MECOM: variants seen among roughly 807,000 people sequenced by gnomAD.
The protein encoded by MECOM is histone-lysine N-methyltransferase MECOM.
MECOM carries 13 observed loss-of-function variants against 116.3 expected under a neutral mutation model. The ratio of observed to expected loss-of-function variants is 0.11; its 90% confidence interval spans 0.07 to 0.18. The LOEUF is 0.18. Ranked by LOEUF, MECOM falls within the 10% of genes least tolerant of loss-of-function variation. The pLI is 1.00. For synonymous variants in MECOM, 528 were observed against 535.2 expected (o/e 0.99, Z 0.19); for missense variants, 1,299 against 1,509.0 (o/e 0.86, Z 2.31).
At chr3:169,541,421 G>T (rs1480961514) in intron 1 of MECOM, among the ~76,000 whole-genome samples, 1 of 152,210 alleles carries the variant, frequency 6.6e-6, no homozygotes, top group Non-Finnish European at 1.5e-5. Context: ...CCCTTCCTCA[G>T]TTGGAAAGCC....
chr3:169,418,538 C>T (rs1739124486), intron 1 of MECOM, among the ~76,000 whole-genome samples: 1 of 152,128 alleles, frequency 6.6e-6, no homozygotes, highest in South Asian at 2.1e-4. Context: ...CATCAAAAAG[C>T]TTATCCACTA....
intron 1 of MECOM, among the ~76,000 whole-genome samples, chr3:169,455,039 T>C (rs1440364362): frequency 1.3e-5 from 2 of 152,182 alleles, no homozygotes; most frequent in Non-Finnish European, 2.9e-5. Flanking sequence ...TACTACGTGT[T>C]TTCCAGGATA....
intron 1 of MECOM, among the ~76,000 whole-genome samples, chr3:169,605,459 G>A (rs1768406975): frequency 1.3e-5 from 2 of 152,242 alleles, no homozygotes; most frequent in Admixed American, 6.5e-5. Flanking sequence ...GAGATTAAGT[G>A]ACAAAATTTT....
At chr3:169,154,875 A>AT (rs1225767710) in intron 2 of MECOM, among the ~76,000 whole-genome samples, 6 of 152,084 alleles carry the variant, frequency 3.9e-5, no homozygotes. Flanking sequence ...TAAACCAACC[A>AT]TTTTTTATGT....
At chr3:169,159,808 G>A (rs1742574144) in intron 2 of MECOM, among the ~76,000 whole-genome samples, 1 of 152,122 alleles carries the variant, frequency 6.6e-6, no homozygotes, top group South Asian at 2.1e-4. Flanking sequence ...CTATGTGCTT[G>A]GGGTGTGACA....
chr3:169,423,470 A>C (rs1031177846), intron 1 of MECOM, among the ~76,000 whole-genome samples: 1 of 152,102 alleles, frequency 6.6e-6, no homozygotes, highest in Non-Finnish European at 1.5e-5. Context: ...ATTATTTGTA[A>C]GGGGAAACTG....
At chr3:169,176,108 G>GA (rs5854313) in intron 2 of MECOM, among the ~76,000 whole-genome samples, 2 of 146,938 alleles carry the variant, frequency 1.4e-5, no homozygotes, top group East Asian at 2.0e-4. Flanking sequence ...TAGCTGATGA[G>GA]AAAAAAAAAA....
At chr3:169,656,401 C>T (rs1473432423) in intron 1 of MECOM, among the ~76,000 whole-genome samples, 2 of 151,960 alleles carry the variant, frequency 1.3e-5, no homozygotes, top group African/African-American at 4.8e-5. Context: ...AGCACGTTTG[C>T]TAATGAATAA....
At chr3:169,257,840 A>G (rs996905846) in intron 2 of MECOM, among the ~76,000 whole-genome samples, 4 of 152,176 alleles carry the variant, frequency 2.6e-5, no homozygotes, top group Non-Finnish European at 1.5e-5. Context: ...GATGTAACCT[A>G]TATATTAACT....
intron 1 of MECOM, among the ~76,000 whole-genome samples, chr3:169,418,125 C>CAAAAAAAAAAAAAAAAAAACAAAAA (rs568727385): frequency 1.7e-5 from 2 of 118,150 alleles, no homozygotes; most frequent in African/African-American, 3.2e-5. Flanking sequence ...AAAAACTAAA[C>CAAAAAAAAAAAAAAAAAAACAAAAA]AAAAAAAAAA....
Position 169,084,867 on chromosome 3 carries a change from C to T in MECOM, c.*42G>A, listed in dbSNP as rs772155030. ...AATAGTCCTATATGAAAGAGCCATG[C>T]TACTGTTGGACTTGGTCCCACTCTG... On this transcript the variant is annotated 3_prime_UTR_variant, in exon 17 of 17. Transcript: ENST00000651503. 1.2e-6 allele frequency: 2 copies of T among 1,612,392 alleles called. No homozygotes were observed. The highest frequency in any genetic ancestry group is 1.7e-6 in the Non-Finnish European group (2 of 1,178,918).
chr3:169,254,036 A>G (rs1398571173), intron 2 of MECOM, among the ~76,000 whole-genome samples: 1 of 152,156 alleles, frequency 6.6e-6, no homozygotes, highest in Non-Finnish European at 1.5e-5. Flanking sequence ...TTCTCCTAAC[A>G]ATCATGTGAT....
At chr3:169,403,737 G>A (rs182270077) in intron 1 of MECOM, among the ~76,000 whole-genome samples, 2 of 152,250 alleles carry the variant, frequency 1.3e-5, no homozygotes, top group East Asian at 3.9e-4. Context: ...AAACAAGATG[G>A]CAGGGGCTCT....
rs1020652105 is a variant in MECOM, at chr3:169,611,664, T to C, written c.37+51672A>G. Among the ~76,000 whole-genome samples the C allele has an allele frequency of 6.6e-6, 1 of 152,224 alleles. No individual in the cohort carries two copies. Among genetic ancestry groups the C allele is most frequent in the Non-Finnish European group, 1.5e-5 (1 of 68,036 alleles). On this transcript the variant is annotated intron_variant, in intron 1 of 16. Transcript: ENST00000651503. The surrounding 1 kb of genome is among the most constrained non-coding windows in gnomAD (Gnocchi z 4.1). ...TAATCTCTGGACCTCAAAATCACTA[T>C]ATATCTTTTTTAAAATATTTTATTT...
chr3:169,176,849 A>G (rs555103747), intron 2 of MECOM, among the ~76,000 whole-genome samples: 1 of 152,360 alleles, frequency 6.6e-6, no homozygotes, highest in Admixed American at 6.5e-5. Context: ...TATGGGGCCA[A>G]CAAACATATG....
At chr3:169,313,898 C>T (rs762942864) in intron 2 of MECOM, among the ~76,000 whole-genome samples, 2 of 152,164 alleles carry the variant, frequency 1.3e-5, no homozygotes, top group Admixed American at 6.5e-5. Flanking sequence ...CTAGTTAAGA[C>T]AACTGAACCG....
At chr3:169,235,738 GATAAC>G (rs1490977979) in intron 2 of MECOM, among the ~76,000 whole-genome samples, 2 of 151,780 alleles carry the variant, frequency 1.3e-5, no homozygotes, top group African/African-American at 4.8e-5. Flanking sequence ...ACACAAAAAA[GATAAC>G]ATAATAGCAA....
At chr3:169,245,502 T>C (rs1755469272) in intron 2 of MECOM, among the ~76,000 whole-genome samples, 1 of 152,196 alleles carries the variant, frequency 6.6e-6, no homozygotes, top group Non-Finnish European at 1.5e-5. Context: ...TTACTGTGGG[T>C]GGTAGAAAAT....
intron 2 of MECOM, among the ~76,000 whole-genome samples, chr3:169,342,439 C>A (rs1333615059): frequency 6.6e-6 from 1 of 151,776 alleles, no homozygotes; most frequent in Non-Finnish European, 1.5e-5. Flanking sequence ...TTGAAAATGC[C>A]CTAACTCTAC....
Sources: allele counts gnomAD v4.1 joint callset (sites outside exome capture counted in the v4.1 genomes callset), GRCh38; gene constraint gnomAD v4.1.1; non-coding constraint Gnocchi (gnomAD v3.1); transcripts MANE v1.5; gene names NCBI Gene and HGNC (gene_info 2026-07-23, HGNC 2026-07-21).